ARHGAP32: variants seen among roughly 807,000 people sequenced by gnomAD.
ARHGAP32 encodes the protein rho GTPase-activating protein 32.
A neutral mutation model predicts 186.5 loss-of-function variants in ARHGAP32; 51 were observed. That is an observed-to-expected ratio of 0.27 (90% CI 0.22 to 0.35). The LOEUF is 0.35. Ranked by LOEUF, ARHGAP32 falls within the 10% of genes least tolerant of loss-of-function variation. The probability of loss-of-function intolerance (pLI) is 1.00; values close to 1 mark genes in which losing one functional copy is unlikely to be tolerated. For missense variants in ARHGAP32, 2,186 were observed against 2,623.5 expected (o/e 0.83, Z 3.64); for synonymous variants, 950 against 964.3 (o/e 0.99, Z 0.27).
intron 6 of ARHGAP32, among the ~76,000 whole-genome samples, chr11:129,071,172 A>T (rs1202076277): frequency 6.6e-6 from 1 of 152,032 alleles, no homozygotes; most frequent in Non-Finnish European, 1.5e-5. Context: ...CACAATATTG[A>T]ACTTTCTGCT....
Position 129,139,530 on chromosome 11 carries a change from T to A in ARHGAP32, c.226-14636A>T, listed in dbSNP as rs192425382. Among the ~76,000 whole-genome samples, 429 of 152,292 alleles carry A rather than the reference T, an allele frequency of 2.8e-3. 5 individuals are homozygous for A. The highest frequency in any genetic ancestry group is 9.8e-3 in the African/African-American group (408 of 41,574). ...AATTGTAACTCCCACAATTCCCACATGTCATGGGAGGGACCCAGTGGGAGG... is the reference window on the plus strand; with the variant it reads ...AATTGTAACTCCCACAATTCCCACAAGTCATGGGAGGGACCCAGTGGGAGG... On this transcript the variant is annotated intron_variant, in intron 2 of 22. Transcript: ENST00000682385.
chr11:129,221,978 T>C (rs1316899301), intron 1 of ARHGAP32, among the ~76,000 whole-genome samples: 1 of 152,062 alleles, frequency 6.6e-6, no homozygotes, highest in Non-Finnish European at 1.5e-5. Context: ...CTCAGGGACA[T>C]TGTGAATATG....
Position 128,980,773 on chromosome 11 carries a change from GA to G in ARHGAP32, c.1781-26del. 3 of 1,542,838 alleles carry G rather than the reference GA, an allele frequency of 1.9e-6. 1 individual carries two copies. The South Asian group carries it at 3.5e-5, about 18-fold the overall frequency. Reference sequence around the variant, plus strand: ...GCTTCAAAAAGAAAAGGAAGCTGATGAAGAGAGTCAACTACGTGAGTGTATT... The same window carrying G: ...GCTTCAAAAAGAAAAGGAAGCTGATGAGAGAGTCAACTACGTGAGTGTATT... On this transcript the variant is annotated intron_variant, in intron 17 of 22. Coordinates refer to ENST00000682385, the MANE Select transcript of ARHGAP32 (RefSeq NM_001378024.1).
At chr11:129,135,101 TAGAAGATA>T (rs1565439248) in intron 2 of ARHGAP32, among the ~76,000 whole-genome samples, 4 of 152,192 alleles carry the variant, frequency 2.6e-5, no homozygotes, top group Non-Finnish European at 4.4e-5. Flanking sequence ...TTGCATAGAT[TAGAAGATA>T]CAATAATGTC....
intron 1 of ARHGAP32, among the ~76,000 whole-genome samples, chr11:129,201,115 C>A (rs1276979439): frequency 6.6e-6 from 1 of 152,072 alleles, no homozygotes. Flanking sequence ...CATATAAAAT[C>A]AGATCATAAG....
chr11:129,168,674 A>G lies in ARHGAP32; in HGVS notation c.117-4247T>C, dbSNP rs111583573. ...AATTTTCCAATGTGAACTAACACAG[A>G]ACACTAAACCCAACAACTACAAAAC... On this transcript the variant is annotated intron_variant, in intron 1 of 22. Coordinates refer to ENST00000682385, the MANE Select transcript of ARHGAP32 (RefSeq NM_001378024.1). 5.6e-3 allele frequency among the ~76,000 whole-genome samples: 850 copies of G among 152,358 alleles called. 6 individuals carry two copies. Among genetic ancestry groups the G allele is most frequent in the Non-Finnish European group, 9.6e-3 (650 of 68,028 alleles).
intron 10 of ARHGAP32, among the ~76,000 whole-genome samples, chr11:129,053,051 C>T (rs1021409919): frequency 3.3e-5 from 5 of 151,676 alleles, no homozygotes; most frequent in African/African-American, 1.2e-4. Context: ...ACATTGTGCA[C>T]ATGTACCCTA....
At chr11:129,219,090 G>T (rs371874599) in intron 1 of ARHGAP32, among the ~76,000 whole-genome samples, 1 of 152,166 alleles carries the variant, frequency 6.6e-6, no homozygotes. Flanking sequence ...GGGCCACATT[G>T]GGATGAGGTG....
At chr11:129,092,921 TG>T (rs1329337565) in intron 6 of ARHGAP32, among the ~76,000 whole-genome samples, 2 of 152,114 alleles carry the variant, frequency 1.3e-5, no homozygotes, top group East Asian at 3.9e-4. Flanking sequence ...GCTCAAAGAA[TG>T]TAGAATAAGT....
At chr11:129,157,400 C>A (rs1350032244) in intron 2 of ARHGAP32, among the ~76,000 whole-genome samples, 1 of 151,562 alleles carries the variant, frequency 6.6e-6, no homozygotes, top group Non-Finnish European at 1.5e-5. Flanking sequence ...TTGATGGAGC[C>A]GAGAAACACA....
intron 1 of ARHGAP32, among the ~76,000 whole-genome samples, chr11:129,267,228 G>A (rs1205612531): frequency 6.6e-6 from 1 of 152,118 alleles, no homozygotes; most frequent in Non-Finnish European, 1.5e-5. Flanking sequence ...GGGGCATGAT[G>A]GCACATACCT....
intron 11 of ARHGAP32, among the ~76,000 whole-genome samples, chr11:129,039,461 A>G (rs950039645): frequency 6.6e-6 from 1 of 152,218 alleles, no homozygotes; most frequent in Non-Finnish European, 1.5e-5. Flanking sequence ...AAGTAAAAGA[A>G]GCCCATCACA....
At chr11:129,072,052 T>C (rs770259940) in intron 6 of ARHGAP32, among the ~76,000 whole-genome samples, 17 of 152,192 alleles carry the variant, frequency 1.1e-4, no homozygotes, top group Non-Finnish European at 1.6e-4. Flanking sequence ...GAGCTGAGGA[T>C]AGGGAAAGTG....
intron 1 of ARHGAP32, among the ~76,000 whole-genome samples, chr11:129,273,077 G>A (rs1382101674): frequency 1.3e-5 from 2 of 152,116 alleles, no homozygotes; most frequent in Admixed American, 6.5e-5. Flanking sequence ...CATGTTCAAG[G>A]TCACAAGGCT....
At chr11:129,114,375 C>A (rs971453971) in intron 5 of ARHGAP32, among the ~76,000 whole-genome samples, 5 of 152,062 alleles carry the variant, frequency 3.3e-5, no homozygotes, top group Admixed American at 2.6e-4. Context: ...CCACTGAATA[C>A]CTACAAGCAC....
chr11:129,005,767 T>C (rs892341280), intron 11 of ARHGAP32, among the ~76,000 whole-genome samples: 1 of 152,202 alleles, frequency 6.6e-6, no homozygotes, highest in African/African-American at 2.4e-5. Flanking sequence ...TGTAAACTTC[T>C]TGTGTTTGGA....
In ARHGAP32 at chr11:128,986,574, G is replaced by A. The variant is rs1565358361; in HGVS notation, c.1393C>T (p.Arg465Trp). The change falls in exon 14 of 23, where the codon CGG becomes TGG. Residue 465 changes from arginine (R) to tryptophan (W), a missense_variant. Transcript: ENST00000682385. ...GTAAGCAGAGGGTTTGGGAGTTCCCGGAAGTACAGCTTACATAGGGAACCC... is the reference window on the plus strand; with the variant it reads ...GTAAGCAGAGGGTTTGGGAGTTCCCAGAAGTACAGCTTACATAGGGAACCC... The part of the protein sequence containing the change: ...SVGSLCKLYF[R>W]ELPNPLLTYQ... 2 of 1,614,108 alleles carry A rather than the reference G, an allele frequency of 1.2e-6. No individual in the cohort carries two copies. Among genetic ancestry groups the A allele is most frequent in the Non-Finnish European group, 1.7e-6 (2 of 1,179,958 alleles).
chr11:129,199,215 C>A lies in ARHGAP32; in HGVS notation c.-4-34788G>T, dbSNP rs571080681. 2.1e-4 allele frequency among the ~76,000 whole-genome samples: 32 copies of A among 152,286 alleles called. No homozygotes were observed. The South Asian group carries it at 6.6e-3, about 32-fold the overall frequency. ...GAAAATTTGCAGCCTGACCATGCAA[C>A]AGAAAAGAAAAACCCATTTTCCAAG... On this transcript the variant is annotated intron_variant, in intron 1 of 6. Coordinates refer to the ARHGAP32 transcript ENST00000525234.
chr11:129,050,871 T>A, intron 10 of ARHGAP32, among the ~76,000 whole-genome samples: 1 of 152,164 alleles, frequency 6.6e-6, no homozygotes, highest in East Asian at 1.9e-4. Context: ...AACTCCTGCT[T>A]ATGAGTGAGA....
Sources: allele counts gnomAD v4.1 joint callset (sites outside exome capture counted in the v4.1 genomes callset), GRCh38; gene constraint gnomAD v4.1.1; transcripts MANE v1.5; gene names NCBI Gene and HGNC (gene_info 2026-07-23, HGNC 2026-07-21).